The following CNTN1 variants were observed in gnomAD, a reference collection of about 807,000 sequenced individuals.
CNTN1 encodes the protein contactin 1, also known as contactin-1.
CNTN1 carries 38 observed loss-of-function variants against 126.4 expected under a neutral mutation model. The ratio of observed to expected loss-of-function variants is 0.30; its 90% CI spans 0.23 to 0.39. CNTN1 has a LOEUF of 0.39. Ranked by LOEUF, CNTN1 falls within the 10% of genes least tolerant of loss-of-function variation. CNTN1 has a pLI of 1.00. For synonymous variants in CNTN1, 413 were observed against 422.6 expected (o/e 0.98, Z 0.28); for missense variants, 1,009 against 1,248.4 (o/e 0.81, Z 2.89).
chr12:41,069,227 A>G (rs1950111898), intron 23 of CNTN1, among the ~76,000 whole-genome samples: 1 of 152,186 alleles, frequency 6.6e-6, no homozygotes, highest in Admixed American at 6.5e-5. Flanking sequence ...TTTTTAATTC[A>G]CAGTGTAATA....
chr12:40,780,031 G>A (rs550654289), intron 1 of CNTN1, among the ~76,000 whole-genome samples: 5 of 151,994 alleles, frequency 3.3e-5, no homozygotes, highest in South Asian at 2.1e-4. Flanking sequence ...TCTGGACCAC[G>A]TGTCTTTCTC....
intron 23 of CNTN1, among the ~76,000 whole-genome samples, chr12:41,048,314 AC>A (rs1414956475): frequency 6.6e-6 from 1 of 152,104 alleles, no homozygotes; most frequent in Admixed American, 6.6e-5. Context: ...AACCTATTTC[AC>A]ACCTTCTTTT....
intron 7 of CNTN1, 26 bp from the exon 8 acceptor site, chr12:40,933,435 G>T: frequency 7.2e-7 from 1 of 1,382,746 alleles, no homozygotes; most frequent in South Asian, 1.2e-5. Context: ...ATAATTAGTG[G>T]ATATTTGTGT....
intron 14 of CNTN1, among the ~76,000 whole-genome samples, chr12:40,953,962 A>G (rs11179176): frequency 0.26 from 39,900 of 151,986 alleles, 5,687 homozygotes; most frequent in South Asian, 0.35. Context: ...GTTTATTTTT[A>G]TATTACTTTC....
intron 1 of CNTN1, among the ~76,000 whole-genome samples, chr12:40,840,061 A>G (rs964440929): frequency 2.0e-5 from 3 of 152,164 alleles, no homozygotes; most frequent in Non-Finnish European, 2.9e-5. Context: ...GGCTGAATAG[A>G]TTAGAAAACA....
At chr12:40,949,851 C>T (rs11179158) in intron 14 of CNTN1, among the ~76,000 whole-genome samples, 17,784 of 151,874 alleles carry the variant, frequency 0.12, 1,081 homozygotes, top group Non-Finnish European at 0.12. Flanking sequence ...ACTGGGGTTA[C>T]AGGCATGAGC....
intron 23 of CNTN1, among the ~76,000 whole-genome samples, chr12:41,052,403 T>C (rs1180497795): frequency 6.6e-6 from 1 of 152,196 alleles, no homozygotes; most frequent in African/African-American, 2.4e-5. Context: ...TCTGAATATA[T>C]ATGCAGTGGC....
intron 17 of CNTN1, among the ~76,000 whole-genome samples, chr12:41,013,427 C>G (rs1313661503): frequency 1.3e-5 from 2 of 152,076 alleles, no homozygotes; most frequent in East Asian, 1.9e-4. Context: ...AAAAGCAAAG[C>G]CTTACCAAGG....
At position 40,972,028 on chromosome 12, in the gene CNTN1, A is replaced by C. The variant is rs76201578; in HGVS notation, c.1805-8881A>C. ...CCTAGTACCATACATATTCTTTGGCATGAAAGAATGAAAAGCATTAGTAAA... is the reference window on the plus strand; with the variant it reads ...CCTAGTACCATACATATTCTTTGGCCTGAAAGAATGAAAAGCATTAGTAAA... On this transcript the variant is annotated intron_variant, in intron 15 of 23. Transcript: ENST00000551295. 1.2e-4 allele frequency: 114 copies of C among 985,912 alleles called. No individual in the cohort carries two copies. In the African/African-American group the frequency reaches 1.9e-3, roughly 17 times the overall value. 61.1% of individuals were successfully genotyped at this position (985,912 alleles called of 1,614,324 possible). A position where few individuals can be genotyped will look rare whatever the true frequency, so the allele number is the denominator to read the frequency against.
chr12:40,838,923 C>T (rs566944201), intron 1 of CNTN1, among the ~76,000 whole-genome samples: 75 of 152,122 alleles, frequency 4.9e-4, no homozygotes, highest in African/African-American at 1.7e-3. Context: ...AGATCTTAAT[C>T]GAAACAAAAT....
chr12:40,814,453 A>T (rs922281759), intron 1 of CNTN1, among the ~76,000 whole-genome samples: 9 of 152,070 alleles, frequency 5.9e-5, no homozygotes, highest in Admixed American at 2.6e-4. Flanking sequence ...TGAATAGGAG[A>T]TCCTTTCCCC....
At chr12:40,780,791 C>G (rs1210069625) in intron 1 of CNTN1, among the ~76,000 whole-genome samples, 1 of 150,328 alleles carries the variant, frequency 6.7e-6, no homozygotes, top group Non-Finnish European at 1.5e-5. Context: ...TCTATTCAAG[C>G]CTCTTTTTTT....
intron 1 of CNTN1, among the ~76,000 whole-genome samples, chr12:40,770,893 G>A (rs761420605): frequency 1.3e-5 from 2 of 152,046 alleles, no homozygotes; most frequent in East Asian, 3.9e-4. Flanking sequence ...CATTTTACTA[G>A]TGACAATGAA....
At chr12:40,817,729 G>C (rs1398683341) in intron 1 of CNTN1, among the ~76,000 whole-genome samples, 5 of 151,782 alleles carry the variant, frequency 3.3e-5, no homozygotes, top group African/African-American at 1.2e-4. Context: ...TGGCTATTTT[G>C]CACACTAGTT....
Position 41,066,390 on chromosome 12 carries a change from C to G in CNTN1, c.2981-3569C>G, listed in dbSNP as rs564128150. ...TCCTCTAACCATCTTCTTCCTTAGA[C>G]CCCCTGTGCTCTGTAATAAGAAAAA... is the stretch of plus-strand genomic sequence containing the variant. On this transcript the variant is annotated intron_variant, in intron 23 of 23. Coordinates refer to ENST00000551295, the MANE Select transcript of CNTN1 (RefSeq NM_001843.4). 2.0e-3 allele frequency among the ~76,000 whole-genome samples: 297 copies of G among 152,202 alleles called. 1 individual carries two copies. The highest frequency in any genetic ancestry group is 3.7e-3 in the Non-Finnish European group (251 of 68,012).
intron 1 of CNTN1, among the ~76,000 whole-genome samples, chr12:40,878,491 T>C (rs1368090074): frequency 6.6e-6 from 1 of 152,186 alleles, no homozygotes; most frequent in African/African-American, 2.4e-5. Context: ...TCAATTAGTT[T>C]TACCATTTTT....
chr12:40,982,292 T>A (rs1237751079), intron 16 of CNTN1, among the ~76,000 whole-genome samples: 1 of 152,168 alleles, frequency 6.6e-6, no homozygotes, highest in Non-Finnish European at 1.5e-5. Flanking sequence ...AAAATAATTT[T>A]AAAAACCTTT....
At chr12:40,994,185 A>C (rs1948158349) in intron 17 of CNTN1, among the ~76,000 whole-genome samples, 1 of 152,142 alleles carries the variant, frequency 6.6e-6, no homozygotes, top group Non-Finnish European at 1.5e-5. Context: ...ATTTGCAACA[A>C]AATTCCAAGA....
chr12:40,767,640 G>C (rs1465625148), intron 1 of CNTN1, among the ~76,000 whole-genome samples: 1 of 133,328 alleles, frequency 7.5e-6, no homozygotes, highest in Admixed American at 7.6e-5. Context: ...TTGTTTGTTT[G>C]TTTGTTTGTT....
Sources: gnomAD v4.1 joint callset for allele counts (sites outside exome capture counted in the v4.1 genomes callset) on GRCh38, gnomAD v4.1.1 for gene constraint, MANE v1.5 for transcripts, NCBI Gene and HGNC (gene_info 2026-07-23, HGNC 2026-07-21) for gene names.